Variants in PHACTR1 observed in about 807,000 individuals in gnomAD.
PHACTR1 encodes RPEL repeat containing 1.
A neutral mutation model predicts 69.2 loss-of-function variants in PHACTR1; 16 were observed. The observed-to-expected ratio is 0.23, with a 90% confidence interval of 0.16 to 0.35. The LOEUF (loss-of-function observed/expected upper bound fraction) is 0.35, where lower values mean the gene tolerates loss of function less well. Ranked by LOEUF, PHACTR1 falls within the 10% of genes least tolerant of loss-of-function variation. The probability of loss-of-function intolerance (pLI) is 1.00; values close to 1 mark genes in which losing one functional copy is unlikely to be tolerated. For synonymous variants in PHACTR1, 312 were observed against 284.5 expected (o/e 1.10, Z -0.97); for missense variants, 510 against 734.7 (o/e 0.69, Z 3.54).
intron 4 of PHACTR1, among the ~76,000 whole-genome samples, chr6:13,016,313 T>C (rs1800162126): frequency 6.6e-6 from 1 of 152,248 alleles, no homozygotes; most frequent in South Asian, 2.1e-4. Flanking sequence ...ACCTGTATTA[T>C]GTCCAGTACC....
chr6:13,053,294 C>A (rs1284983101), intron 4 of PHACTR1, 71 bp from the exon 5 acceptor site: 1 of 1,415,880 alleles, frequency 7.1e-7, no homozygotes, highest in Non-Finnish European at 9.5e-7. Flanking sequence ...AAAACGTTGG[C>A]CATCTGTGAG....
intron 4 of PHACTR1, among the ~76,000 whole-genome samples, chr6:12,835,954 T>C (rs6458494): frequency 0.21 from 32,519 of 152,160 alleles, 3,839 homozygotes; most frequent in African/African-American, 0.31. Flanking sequence ...GTTTTAAATT[T>C]TTTTTGAAAC....
In PHACTR1 at chr6:13,249,741, G is replaced by A. The variant is rs1379179094; in HGVS notation, c.1391+19548G>A. Among the ~76,000 whole-genome samples, 3 of 148,172 alleles carry A rather than the reference G, an allele frequency of 2.0e-5. No individual in the cohort carries two copies. In the East Asian group the frequency reaches 6.0e-4, roughly 30 times the overall value. On this transcript the variant is annotated intron_variant, in intron 10 of 14. Transcript: ENST00000332995. ...TTGAACCTGGGAGGCGGAGGTTGCA[G>A]TGAGCCAAGATTGCACCACTGCACT...
intron 4 of PHACTR1, among the ~76,000 whole-genome samples, chr6:12,835,419 T>C (rs968077271): frequency 1.3e-5 from 2 of 152,048 alleles, no homozygotes; most frequent in Non-Finnish European, 2.9e-5. Context: ...GCCTGAAGGA[T>C]TTGACCTTGA....
intron 4 of PHACTR1, among the ~76,000 whole-genome samples, chr6:12,972,931 G>A (rs1373858096): frequency 2.0e-5 from 3 of 152,128 alleles, no homozygotes; most frequent in East Asian, 1.9e-4. Context: ...GATTACAGAC[G>A]TGAGCCACCG....
At chr6:12,754,351 C>T (rs888686217) in intron 4 of PHACTR1, among the ~76,000 whole-genome samples, 2 of 152,120 alleles carry the variant, frequency 1.3e-5, no homozygotes, top group Non-Finnish European at 2.9e-5. Flanking sequence ...CATCCTCCTT[C>T]ACTCTTTTGC....
chr6:12,994,549 G>GTAATCATAGAA (rs1434158519), intron 4 of PHACTR1, among the ~76,000 whole-genome samples: 10 of 152,124 alleles, frequency 6.6e-5, no homozygotes, highest in African/African-American at 2.2e-4. Flanking sequence ...ACTAGGAAGT[G>GTAATCATAGAA]TAATCATAGA....
chr6:12,861,825 G>A (rs1012457258), intron 4 of PHACTR1, among the ~76,000 whole-genome samples: 9 of 152,122 alleles, frequency 5.9e-5, no homozygotes, highest in Middle Eastern at 3.4e-3. Flanking sequence ...AGCTCATTTC[G>A]ATCAGTTCAT....
chr6:12,753,966 ATATATT>A lies in PHACTR1; in HGVS notation c.250+4178_250+4183del, dbSNP rs1383420902. ...TAAATATATATATATATATATATAT[ATATATT>A]TTTTTTTTGAGACAGAGTCTCACTC... On this transcript the variant is annotated intron_variant, in intron 4 of 14. Transcript: ENST00000332995. Among the ~76,000 whole-genome samples the A allele has an allele frequency of 2.2e-3, 86 of 39,622 alleles. 1 individual carries two copies. The highest frequency in any genetic ancestry group is 0.012 in the Middle Eastern group (1 of 86). The allele number at this position is 39,622 out of a possible 152,430, so 26.0% of individuals were successfully genotyped here.
intron 4 of PHACTR1, chr6:12,933,572 A>T (rs570625921): frequency 2.5e-5 from 40 of 1,590,420 alleles, no homozygotes; most frequent in Non-Finnish European, 3.0e-5. Flanking sequence ...TCTTCTTGTT[A>T]TCTCTTTGTT....
chr6:13,110,574 C>T (rs888624379), intron 5 of PHACTR1, among the ~76,000 whole-genome samples: 2 of 152,180 alleles, frequency 1.3e-5, no homozygotes, highest in Admixed American at 1.3e-4. Context: ...TACTCTGTTT[C>T]TCATATTCCA....
chr6:12,749,797 A>G lies in PHACTR1; in HGVS notation c.250+7A>G. 6.4e-7 allele frequency: 1 copy of G among 1,560,618 alleles called. No individual in the cohort carries two copies. Among genetic ancestry groups the G allele is most frequent in the East Asian group, 2.4e-5 (1 of 42,420 alleles). ...TCCTTTAACCTGGGGGCAGGTAAGA[A>G]CGCCCCTGGCGCCGCGCCCCCGCCC... is the stretch of plus-strand genomic sequence containing the variant. On this transcript the variant is annotated splice_region_variant and intron_variant, in intron 4 of 14. Coordinates refer to ENST00000332995, the MANE Select transcript of PHACTR1 (RefSeq NM_030948.6).
chr6:12,770,666 A>C (rs1044792728), intron 4 of PHACTR1, among the ~76,000 whole-genome samples: 5 of 152,202 alleles, frequency 3.3e-5, no homozygotes, highest in African/African-American at 1.2e-4. Flanking sequence ...TCTGCAGTGC[A>C]CCGAACTGGC....
At chr6:13,182,115 C>G (rs1024185693) in intron 6 of PHACTR1, among the ~76,000 whole-genome samples, 1 of 152,046 alleles carries the variant, frequency 6.6e-6, no homozygotes, top group Non-Finnish European at 1.5e-5. Flanking sequence ...TGCCTGTAAT[C>G]CCAGCTACTC....
intron 5 of PHACTR1, among the ~76,000 whole-genome samples, chr6:13,139,531 C>A (rs1451347058): frequency 6.6e-6 from 1 of 152,102 alleles, no homozygotes; most frequent in Non-Finnish European, 1.5e-5. Context: ...TTTGTATTCC[C>A]AAAAAACTTT....
chr6:12,721,183 C>T (rs1036397221), intron 3 of PHACTR1, among the ~76,000 whole-genome samples: 2 of 152,080 alleles, frequency 1.3e-5, no homozygotes, highest in Admixed American at 6.5e-5. Flanking sequence ...GTCAGGAGTT[C>T]GAGACCAGCC....
At chr6:12,777,309 C>T (rs1234512810) in intron 4 of PHACTR1, among the ~76,000 whole-genome samples, 2 of 150,736 alleles carry the variant, frequency 1.3e-5, no homozygotes, top group Non-Finnish European at 3.0e-5. Context: ...CATTGTGTGT[C>T]ACAGGGGTTT....
At chr6:13,170,485 C>T (rs1236952207) in intron 6 of PHACTR1, among the ~76,000 whole-genome samples, 1 of 152,306 alleles carries the variant, frequency 6.6e-6, no homozygotes, top group East Asian at 1.9e-4. Context: ...TCTATTACTC[C>T]CCAGCCACTG....
At chr6:12,811,457 C>G (rs1775001000) in intron 4 of PHACTR1, among the ~76,000 whole-genome samples, 1 of 152,128 alleles carries the variant, frequency 6.6e-6, no homozygotes. Flanking sequence ...ACTGGAAATG[C>G]TATATATCTT....
Sources: gnomAD v4.1 joint callset for allele counts (sites outside exome capture counted in the v4.1 genomes callset) on GRCh38, gnomAD v4.1.1 for gene constraint, MANE v1.5 for transcripts, NCBI Gene and HGNC (gene_info 2026-07-23, HGNC 2026-07-21) for gene names.